The following DOCK7 variants were observed in gnomAD, a reference collection of about 807,000 sequenced individuals.
DOCK7 encodes dedicator of cytokinesis 7.
Under a neutral mutation model 271.0 loss-of-function variants are expected in DOCK7, and 138 were observed. The observed-to-expected ratio is 0.51, with a 90% confidence interval of 0.44 to 0.59. The LOEUF is 0.59. Ranked by LOEUF, DOCK7 falls within the 20% of genes least tolerant of loss-of-function variation. The pLI is 0.00. For synonymous variants in DOCK7, 823 were observed against 876.1 expected, an observed-to-expected ratio of 0.94 and a Z score of 1.07; for missense variants, 2,066 against 2,592.4, an observed-to-expected ratio of 0.80 and a Z score of 4.41.
intron 48 of DOCK7, among the ~76,000 whole-genome samples, chr1:62,468,589 A>T (rs993562505): frequency 2.6e-5 from 4 of 152,138 alleles, no homozygotes; most frequent in African/African-American, 9.7e-5. Context: ...AAAGAAATAA[A>T]GCAAATCCAA....
In DOCK7 at chr1:62,586,641, A is replaced by G; in HGVS notation, c.1683-17T>C. The stretch of plus-strand genomic sequence containing the variant: ...AGAAGATTTCTGTGAAAGCAACAGT[A>G]TAGATGATAGTAAATACATATCTAA... On this transcript the variant is annotated splice_polypyrimidine_tract_variant and intron_variant, in intron 14 of 49. Coordinates refer to ENST00000635253, the MANE Select transcript of DOCK7 (RefSeq NM_001367561.1). 6.9e-7 allele frequency: 1 copy of G among 1,459,140 alleles called. No individual in the cohort carries two copies. The highest frequency in any genetic ancestry group is 9.5e-7 in the Non-Finnish European group (1 of 1,048,002). The allele number at this position is 1,459,140 out of a possible 1,614,324, so 90.4% of individuals were successfully genotyped here. A position where few individuals can be genotyped will look rare whatever the true frequency, so the allele number is the denominator to read the frequency against.
chr1:62,679,095 C>T (rs1176987620), intron 1 of DOCK7, among the ~76,000 whole-genome samples: 2 of 151,860 alleles, frequency 1.3e-5, no homozygotes, highest in African/African-American at 2.4e-5. Context: ...GGGGAAAGGA[C>T]AATCCATTTA....
chr1:62,533,389 G>C (rs1645238434), intron 29 of DOCK7, among the ~76,000 whole-genome samples: 1 of 151,788 alleles, frequency 6.6e-6, no homozygotes, highest in African/African-American at 2.4e-5. Flanking sequence ...GTATGTTTAG[G>C]TAAGTTGTTT....
chr1:62,544,229 A>G (rs1168021), intron 23 of DOCK7, among the ~76,000 whole-genome samples: 88,099 of 152,058 alleles, frequency 0.58, 27,323 homozygotes, highest in East Asian at 0.76. Flanking sequence ...TAAATCATTT[A>G]CAATATTAGA....
intron 48 of DOCK7, among the ~76,000 whole-genome samples, chr1:62,461,945 T>C (rs1167997): frequency 0.98 from 148,914 of 151,350 alleles, 73,309 homozygotes; most frequent in Middle Eastern, 1. Context: ...GTGGCACATG[T>C]CTGTAATCCC....
At chr1:62,641,576 T>C in intron 7 of DOCK7, 1 of 473,656 alleles carries the variant, frequency 2.1e-6, no homozygotes, top group Middle Eastern at 6.3e-4. Context: ...CTTTAACTTG[T>C]TTCTGTAGAA....
Position 62,535,580 on chromosome 1 carries a change from TCAAACATA to T in DOCK7, c.3516_3523del (p.Asn1172LysfsTer27). ...CTGTTGGCGGAAAGGCACGGATAAT[TCAAACATA>T]TTTGCAATCTTTTGGTCTTGTACAT... On this transcript the variant is annotated frameshift_variant, in exon 29 of 50. Coordinates refer to ENST00000635253, the MANE Select transcript of DOCK7 (RefSeq NM_001367561.1). LOFTEE classifies it high-confidence loss of function. The T allele has an allele frequency of 6.2e-7, 1 of 1,614,022 alleles. No homozygotes were observed. The highest frequency in any genetic ancestry group is 2.2e-5 in the East Asian group (1 of 44,842).
intron 2 of DOCK7, among the ~76,000 whole-genome samples, chr1:62,662,328 G>A (rs1394748587): frequency 1.3e-5 from 2 of 151,854 alleles, no homozygotes; most frequent in African/African-American, 4.8e-5. Context: ...CACAGTACTG[G>A]GCTTACAGTA....
intron 7 of DOCK7, among the ~76,000 whole-genome samples, chr1:62,638,682 G>A (rs902394800): frequency 1.4e-4 from 19 of 139,462 alleles, no homozygotes; most frequent in African/African-American, 5.0e-4. Flanking sequence ...TATATATATA[G>A]ATATGAAAAT....
chr1:62,543,796 G>A, intron 23 of DOCK7, 51 bp from the exon 24 acceptor site: 2 of 1,334,712 alleles, frequency 1.5e-6, no homozygotes, highest in Non-Finnish European at 2.1e-6. Flanking sequence ...GTTTGCAGTG[G>A]ATGACTTTGC....
Position 62,513,516 on chromosome 1 carries a change from T to G in DOCK7, c.4210A>C (p.Ile1404Leu), listed in dbSNP as rs1191035066. 1 of 1,614,134 alleles carries G rather than the reference T, an allele frequency of 6.2e-7. No individual in the cohort carries two copies. The highest frequency in any genetic ancestry group is 1.1e-5 in the South Asian group (1 of 91,082). Residue 1404 changes from isoleucine to leucine, a missense_variant, in exon 33 of 50, where the codon ATA becomes CTA. Physicochemically the swap from Ile to Leu is conservative, Grantham distance 5. Coordinates refer to ENST00000635253, the MANE Select transcript of DOCK7 (RefSeq NM_001367561.1). Reference sequence around the variant, plus strand: ...CGTACCATTTCTTGCCTGGCACCTATGCTCCCAAGAATAGCTTCTTCAAGC... The same window carrying G: ...CGTACCATTTCTTGCCTGGCACCTAGGCTCCCAAGAATAGCTTCTTCAAGC... ...AKLEEAILGS[I>L]GARQEMVRRS...
rs147757158 is a variant in DOCK7 at position 62,563,426 on chromosome 1, T to C, written c.2113-1723A>G. Among the ~76,000 whole-genome samples, 814 of 152,216 alleles carry C rather than the reference T, an allele frequency of 5.3e-3. 12 individuals carry two copies. Among genetic ancestry groups the C allele is most frequent in the African/African-American group, 0.018 (767 of 41,526 alleles). On this transcript the variant is annotated intron_variant, in intron 18 of 49. Coordinates refer to ENST00000635253, the MANE Select transcript of DOCK7 (RefSeq NM_001367561.1). ...ACCAATACTAAGATGACATAGATGC[T>C]AGATAGACCCGACAAGGATTTTAAA...
intron 48 of DOCK7, among the ~76,000 whole-genome samples, chr1:62,465,169 A>T (rs1282440249): frequency 6.6e-6 from 1 of 152,214 alleles, no homozygotes; most frequent in Non-Finnish European, 1.5e-5. Flanking sequence ...GCTCAAATGT[A>T]TCTGCTTAAA....
chr1:62,472,313 C>G (rs1645854878), intron 48 of DOCK7, among the ~76,000 whole-genome samples: 1 of 152,118 alleles, frequency 6.6e-6, no homozygotes, highest in Non-Finnish European at 1.5e-5. Context: ...CCATGTTGGC[C>G]AGGCTGGTCT....
intron 29 of DOCK7, among the ~76,000 whole-genome samples, chr1:62,529,957 T>C (rs767176325): frequency 6.6e-6 from 1 of 152,208 alleles, no homozygotes; most frequent in Non-Finnish European, 1.5e-5. Context: ...TCTTTACTAA[T>C]ATACCTCATT....
chr1:62,612,527 C>T (rs1011069425), intron 14 of DOCK7, among the ~76,000 whole-genome samples: 2 of 151,810 alleles, frequency 1.3e-5, no homozygotes, highest in African/African-American at 2.4e-5. Flanking sequence ...ACTTGTATCC[C>T]GGAACTTAAA....
intron 43 of DOCK7, 147 bp from the exon 44 acceptor site, chr1:62,477,972 T>A: frequency 1.2e-6 from 1 of 857,216 alleles, no homozygotes; most frequent in Non-Finnish European, 1.7e-6. Context: ...AATGAAGGTT[T>A]AAACAAAGTA....
rs543893779 is a variant in DOCK7 at position 62,687,867 on chromosome 1, C to T, written c.38+360G>A. ...ACGCCGCGGCGGCCCCCGACGAGCCCGGGGGTGGGAACACAAAGAATTTGG... is the reference window on the plus strand; with the variant it reads ...ACGCCGCGGCGGCCCCCGACGAGCCTGGGGGTGGGAACACAAAGAATTTGG... On this transcript the variant is annotated intron_variant, in intron 1 of 49. Transcript: ENST00000635253. 2.7e-5 allele frequency among the ~76,000 whole-genome samples: 4 copies of T among 150,154 alleles called. No homozygotes were observed. In the East Asian group the frequency reaches 8.2e-4, roughly 31 times the overall value.
At chr1:62,493,352 A>G (rs1646519986) in intron 40 of DOCK7, among the ~76,000 whole-genome samples, 1 of 152,196 alleles carries the variant, frequency 6.6e-6, no homozygotes, top group African/African-American at 2.4e-5. Context: ...TTTTAACCTA[A>G]ACATTTACAG....
Sources: gnomAD v4.1 joint callset for allele counts (sites outside exome capture counted in the v4.1 genomes callset) on GRCh38, gnomAD v4.1.1 for gene constraint, MANE v1.5 for transcripts, NCBI Gene and HGNC (gene_info 2026-07-23, HGNC 2026-07-21) for gene names.